Variants in COL4A1 observed in about 807,000 individuals in gnomAD.
COL4A1 encodes the protein collagen type IV alpha 1 chain.
A neutral mutation model predicts 216.6 loss-of-function variants in COL4A1; 40 were observed. The ratio of observed to expected loss-of-function variants is 0.18; its 90% CI spans 0.14 to 0.24. The LOEUF is 0.24. Among genes scored for constraint, COL4A1 ranks in the 10% least tolerant of loss-of-function variants. COL4A1 has a pLI of 1.00. For synonymous variants in COL4A1, 839 were observed against 810.7 expected (o/e 1.03, Z -0.59); for missense variants, 1,628 against 2,196.8 (o/e 0.74, Z 5.18).
At chr13:110,234,507 A>G (rs1344842129) in intron 2 of COL4A1, among the ~76,000 whole-genome samples, 2 of 152,088 alleles carry the variant, frequency 1.3e-5, no homozygotes, top group East Asian at 1.9e-4. Context: ...ACTTGAACCC[A>G]GGAGATGGAG....
intron 1 of COL4A1, among the ~76,000 whole-genome samples, chr13:110,271,773 G>C (rs1289372710): frequency 6.6e-6 from 1 of 152,202 alleles, no homozygotes; most frequent in Non-Finnish European, 1.5e-5. Flanking sequence ...TCAGATCAGA[G>C]TATTATCTTA....
chr13:110,198,078 G>GTGTGTGTGTGTGTGTGT lies in COL4A1; in HGVS notation c.1285+388_1285+389insACACACACACACACACA, dbSNP rs1555305317. On this transcript the variant is annotated intron_variant, in intron 21 of 51. Coordinates refer to ENST00000375820, the MANE Select transcript of COL4A1 (RefSeq NM_001845.6). ...GTAATCCTGTCTTCCTTGTTTCTGG[G>GTGTGTGTGTGTGTGTGT]GTGTGTGTGTGTGTGTGTGTGTGTG... Among the ~76,000 whole-genome samples, 550 of 141,922 alleles carry GTGTGTGTGTGTGTGTGT rather than the reference G, an allele frequency of 3.9e-3. 5 individuals carry two copies. Among genetic ancestry groups the GTGTGTGTGTGTGTGTGT allele is most frequent in the African/African-American group, 0.012 (453 of 36,668 alleles). The allele number at this position is 141,922 out of a possible 152,430, so 93.1% of individuals were successfully genotyped here.
intron 2 of COL4A1, among the ~76,000 whole-genome samples, chr13:110,229,776 T>C (rs1051295992): frequency 8.5e-5 from 13 of 152,216 alleles, no homozygotes; most frequent in African/African-American, 2.7e-4. Context: ...GGAACACACT[T>C]CTGCTGCTGA....
At chr13:110,281,336 A>T (rs140635482) in intron 1 of COL4A1, among the ~76,000 whole-genome samples, 14 of 152,348 alleles carry the variant, frequency 9.2e-5, no homozygotes, top group African/African-American at 3.1e-4. Flanking sequence ...TGTTCCAAAA[A>T]GTACTCTGTG....
intron 39 of COL4A1, 62 bp from the exon 40 acceptor site, chr13:110,174,060 C>CA: frequency 6.4e-7 from 1 of 1,561,590 alleles, no homozygotes; most frequent in Non-Finnish European, 8.8e-7. Flanking sequence ...AGCTGCCATA[C>CA]AAAATGGCCC....
At chr13:110,257,573 C>T (rs532131878) in intron 1 of COL4A1, among the ~76,000 whole-genome samples, 2 of 152,246 alleles carry the variant, frequency 1.3e-5, no homozygotes, top group East Asian at 3.9e-4. Context: ...ATGACATACA[C>T]TGGTATTTGA....
rs371064012 is a variant in COL4A1, at chr13:110,250,184, A to G, written c.85-7450T>C. Among the ~76,000 whole-genome samples the G allele has an allele frequency of 4.6e-5, 7 of 151,928 alleles. No homozygotes were observed. In the East Asian group the frequency reaches 9.7e-4, roughly 21 times the overall value. ...TTTCTGCCCTAATTTGAAAACAACAAGAGTTGATACATTCTTGGCAAAAAA... is the reference window on the plus strand; with the variant it reads ...TTTCTGCCCTAATTTGAAAACAACAGGAGTTGATACATTCTTGGCAAAAAA... On this transcript the variant is annotated intron_variant, in intron 1 of 51. Transcript: ENST00000375820.
chr13:110,185,721 C>T lies in COL4A1; in HGVS notation c.1897+664G>A, dbSNP rs143169911. 4.3e-4 allele frequency among the ~76,000 whole-genome samples: 65 copies of T among 152,274 alleles called. No individual in the cohort carries two copies. The Middle Eastern group carries it at 0.02, about 48-fold the overall frequency. ...AAGGCCTAGCGCCACAGCCCCCTCC[C>T]GCTGGCCCTGAAAATAAGCAAGTCG... On this transcript the variant is annotated intron_variant, in intron 26 of 51. Transcript: ENST00000375820.
In COL4A1 at chr13:110,175,209, G is replaced by T. The variant is rs112120233; in HGVS notation, c.3198+9C>A. The stretch of plus-strand genomic sequence containing the variant: ...AGAAGGGGACCTTTCCACGCAGAGC[G>T]CTGGTTACCTTTTCACCTCGCAGCC... On this transcript the variant is annotated intron_variant, in intron 37 of 51. Transcript: ENST00000375820. 4.0e-5 allele frequency: 65 copies of T among 1,614,184 alleles called. No individual in the cohort carries two copies. The African/African-American group carries it at 6.1e-4, about 15-fold the overall frequency.
intron 2 of COL4A1, among the ~76,000 whole-genome samples, chr13:110,217,411 G>A (rs1178909886): frequency 1.3e-5 from 2 of 152,186 alleles, no homozygotes; most frequent in African/African-American, 2.4e-5. Context: ...GCTCAAGGCA[G>A]AATGTGCACA....
intron 2 of COL4A1, among the ~76,000 whole-genome samples, chr13:110,227,034 T>C (rs940399487): frequency 4.6e-5 from 7 of 152,354 alleles, no homozygotes; most frequent in Admixed American, 1.3e-4. Context: ...TGGAGATATA[T>C]TTCAATCCAA....
chr13:110,299,444 T>C (rs1475416911), intron 1 of COL4A1, among the ~76,000 whole-genome samples: 3 of 152,248 alleles, frequency 2.0e-5, no homozygotes, highest in African/African-American at 7.2e-5. Flanking sequence ...CTGTTTATGC[T>C]TCTGAATTTG....
chr13:110,164,303 C>T (rs1208418867), intron 46 of COL4A1, among the ~76,000 whole-genome samples: 2 of 152,118 alleles, frequency 1.3e-5, no homozygotes, highest in African/African-American at 4.8e-5. Flanking sequence ...CTAGCTTATT[C>T]TTAAGTATCA....
At chr13:110,255,861 AG>A (rs1882523630) in intron 1 of COL4A1, among the ~76,000 whole-genome samples, 1 of 57,338 alleles carries the variant, frequency 1.7e-5, no homozygotes, top group Non-Finnish European at 3.2e-5. Flanking sequence ...GAAGGCAGGA[AG>A]GGAGGGGGAA....
intron 1 of COL4A1, among the ~76,000 whole-genome samples, chr13:110,244,326 G>T (rs1479855823): frequency 6.6e-6 from 1 of 152,126 alleles, no homozygotes; most frequent in African/African-American, 2.4e-5. Flanking sequence ...GGGGACAGCT[G>T]ACAACAGTCC....
chr13:110,247,519 C>T (rs763807543), intron 1 of COL4A1, among the ~76,000 whole-genome samples: 1 of 152,022 alleles, frequency 6.6e-6, no homozygotes, highest in Non-Finnish European at 1.5e-5. Context: ...TCAGTATTCA[C>T]GTTATAAAGT....
At chr13:110,200,822 T>C in intron 20 of COL4A1, 32 bp downstream of exon 20, 2 of 1,609,196 alleles carry the variant, frequency 1.2e-6, no homozygotes, top group South Asian at 2.2e-5. Flanking sequence ...GGTGTGCAAG[T>C]ATGCTATAAC....
At chr13:110,161,599 A>G (rs780675399) in intron 48 of COL4A1, among the ~76,000 whole-genome samples, 15 of 152,388 alleles carry the variant, frequency 9.8e-5, no homozygotes, top group East Asian at 1.9e-4. Context: ...AACTTAACAC[A>G]TGGTTCGTTA....
At chr13:110,174,370 G>A in intron 39 of COL4A1, 76 bp downstream of exon 39, 1 of 1,527,124 alleles carries the variant, frequency 6.5e-7, no homozygotes, top group Non-Finnish European at 9.0e-7. Context: ...TCTGTGATGG[G>A]AACTCCTTGG....
Sources: allele counts gnomAD v4.1 joint callset (sites outside exome capture counted in the v4.1 genomes callset), GRCh38; gene constraint gnomAD v4.1.1; transcripts MANE v1.5; gene names NCBI Gene and HGNC (gene_info 2026-07-23, HGNC 2026-07-21).